BCR: variants seen among roughly 807,000 people sequenced by gnomAD.
The protein encoded by BCR is breakpoint cluster region protein.
Under a neutral mutation model 138.6 loss-of-function variants are expected in BCR, and 58 were observed. The ratio of observed to expected loss-of-function variants is 0.42; its 90% CI spans 0.34 to 0.52. The LOEUF (loss-of-function observed/expected upper bound fraction) is 0.52. Ranked by LOEUF, BCR falls within the 20% of genes least tolerant of loss-of-function variation. BCR has a pLI of 0.06. For missense variants in BCR, 1,599 were observed against 1,727.2 expected, an observed-to-expected ratio of 0.93 and a Z score of 1.32; for synonymous variants, 786 against 730.1, an observed-to-expected ratio of 1.08 and a Z score of -1.23.
chr22:23,259,501 T>C (rs1159522364), intron 2 of BCR, among the ~76,000 whole-genome samples: 1 of 151,440 alleles, frequency 6.6e-6, no homozygotes, highest in African/African-American at 2.4e-5. Context: ...ACCTTGTTTC[T>C]ATTACCAAAA....
chr22:23,264,061 C>T (rs1664327953), intron 4 of BCR: 1 of 1,117,054 alleles, frequency 9.0e-7, no homozygotes. Context: ...GGCTATGACA[C>T]CTATGTTCGC....
intron 13 of BCR, 145 bp downstream of exon 13, chr22:23,289,766 T>C (rs1452931574): frequency 1.4e-6 from 1 of 721,108 alleles, no homozygotes; most frequent in African/African-American, 1.8e-5. Flanking sequence ...TTAGGGCCTC[T>C]TGTCTCCTCC....
chr22:23,313,967 G>T lies in BCR; in HGVS notation c.3458-1G>T, dbSNP rs2074036791. ...AAGGAGTAACCCACCGCCTTCTGCA[G>T]CTCTTTCAGACCCGGTTGCAAAGGA... On this transcript the variant is annotated splice_acceptor_variant, in intron 20 of 22. Coordinates refer to ENST00000305877, the MANE Select transcript of BCR (RefSeq NM_004327.4). LOFTEE classifies it high-confidence loss of function. 6.2e-7 allele frequency: 1 copy of T among 1,613,618 alleles called. No individual in the cohort carries two copies. Among genetic ancestry groups the T allele is most frequent in the Non-Finnish European group, 8.5e-7 (1 of 1,179,834 alleles).
At chr22:23,273,195 A>G in intron 7 of BCR, 62 bp downstream of exon 7, 2 of 1,553,878 alleles carry the variant, frequency 1.3e-6, no homozygotes, top group Admixed American at 1.7e-5. Flanking sequence ...ACACAGCAAC[A>G]ATGTTCTGAG....
intron 4 of BCR, among the ~76,000 whole-genome samples, chr22:23,266,337 C>G (rs1359433239): frequency 6.6e-6 from 1 of 152,034 alleles, no homozygotes; most frequent in Non-Finnish European, 1.5e-5. Flanking sequence ...GACCCGCCCG[C>G]CTCAGCCTCC....
chr22:23,275,255 G>T (rs569311426), intron 8 of BCR, among the ~76,000 whole-genome samples: 6 of 152,368 alleles, frequency 3.9e-5, no homozygotes, highest in Middle Eastern at 3.4e-3. Context: ...TCTCCGGCTT[G>T]TCCAAGCCCT....
At chr22:23,261,282 C>A in intron 3 of BCR, 73 bp from the exon 4 acceptor site, 1 of 1,459,132 alleles carries the variant, frequency 6.9e-7, no homozygotes, top group Non-Finnish European at 9.4e-7. Flanking sequence ...CCATGACTGT[C>A]TACTGCCATA....
chr22:23,195,335 G>A (rs748295107), intron 1 of BCR, among the ~76,000 whole-genome samples: 11 of 149,204 alleles, frequency 7.4e-5, no homozygotes, highest in African/African-American at 9.9e-5. Context: ...CGGGAAAATC[G>A]CTTGAACTCA....
rs9624055 is a variant in BCR, at chr22:23,205,298, G to A, written c.1279+23059G>A. ...TTGTCACTCCTGTGGGGGTACAGAT[G>A]CCTCAGTGGAAGCCACGCTTTCCTT... On this transcript the variant is annotated intron_variant, in intron 1 of 22. Transcript: ENST00000305877. Among the ~76,000 whole-genome samples, 313 of 152,344 alleles carry A rather than the reference G, an allele frequency of 2.1e-3. 2 individuals are homozygous for A. Among genetic ancestry groups the A allele is most frequent in the African/African-American group, 7.2e-3 (299 of 41,568 alleles).
At chr22:23,304,470 T>G (rs181408145) in intron 16 of BCR, among the ~76,000 whole-genome samples, 143 of 152,354 alleles carry the variant, frequency 9.4e-4, no homozygotes, top group African/African-American at 3.2e-3. Context: ...TTTTTATTTC[T>G]GCATTTACTA....
chr22:23,225,475 T>C (rs1674250722), intron 1 of BCR, among the ~76,000 whole-genome samples: 1 of 152,198 alleles, frequency 6.6e-6, no homozygotes, highest in African/African-American at 2.4e-5. Flanking sequence ...CTCCAGGCTC[T>C]TGCACGGGGA....
intron 12 of BCR, 100 bp from the exon 13 acceptor site, chr22:23,289,417 G>A (rs778183186): frequency 6.1e-5 from 60 of 988,886 alleles, no homozygotes; most frequent in East Asian, 1.2e-4. Context: ...AGTTCTTGCC[G>A]TGCCCCTTCC....
At chr22:23,237,287 G>C (rs1350466599) in intron 1 of BCR, among the ~76,000 whole-genome samples, 2 of 152,332 alleles carry the variant, frequency 1.3e-5, no homozygotes, top group African/African-American at 4.8e-5. Context: ...TCTAGCAGCT[G>C]TGCTCATGGA....
chr22:23,238,613 G>A (rs771184557), intron 1 of BCR, among the ~76,000 whole-genome samples: 5 of 152,156 alleles, frequency 3.3e-5, no homozygotes, highest in African/African-American at 7.2e-5. Flanking sequence ...CTGGGGATTC[G>A]AGGCAGCACT....
intron 2 of BCR, among the ~76,000 whole-genome samples, chr22:23,258,141 T>C (rs1426994796): frequency 1.3e-5 from 2 of 152,152 alleles, no homozygotes; most frequent in African/African-American, 4.8e-5. Flanking sequence ...CACATGTACG[T>C]GTGTATAAAT....
intron 1 of BCR, among the ~76,000 whole-genome samples, chr22:23,206,744 G>A (rs2072619057): frequency 6.6e-6 from 1 of 152,130 alleles, no homozygotes; most frequent in Admixed American, 6.5e-5. Context: ...TGAGAAAGGG[G>A]TAGCTGTGCT....
At position 23,180,861 on chromosome 22, in the gene BCR, G is replaced by T; in HGVS notation, c.-100G>T. On this transcript the variant is annotated 5_prime_UTR_variant, in exon 1 of 23. Coordinates refer to ENST00000305877, the MANE Select transcript of BCR (RefSeq NM_004327.4). ...CGCCGCCGCCGCCGCGCGGGCCATGGGGGCCGCCCGGCGCCCGGGGCCGGG... is the reference window on the plus strand; with the variant it reads ...CGCCGCCGCCGCCGCGCGGGCCATGTGGGCCGCCCGGCGCCCGGGGCCGGG... 1 of 738,792 alleles carries T rather than the reference G, an allele frequency of 1.4e-6. No individual in the cohort carries two copies. The highest frequency in any genetic ancestry group is 6.1e-5 in the South Asian group (1 of 16,356). 45.8% of individuals were successfully genotyped at this position (738,792 alleles called of 1,614,324 possible).
At chr22:23,287,700 T>G (rs990009103) in intron 11 of BCR, among the ~76,000 whole-genome samples, 1 of 152,230 alleles carries the variant, frequency 6.6e-6, no homozygotes, top group African/African-American at 2.4e-5. Context: ...TTTTCTAGCC[T>G]GACCAGGAGA....
chr22:23,264,004 G>A, intron 4 of BCR: 1 of 893,194 alleles, frequency 1.1e-6, no homozygotes, highest in South Asian at 1.3e-5. Context: ...CCAAGGGCTG[G>A]GGTGCTGGAT....
Sources: gnomAD v4.1 joint callset for allele counts (sites outside exome capture counted in the v4.1 genomes callset) on GRCh38, gnomAD v4.1.1 for gene constraint, MANE v1.5 for transcripts, NCBI Gene and HGNC (gene_info 2026-07-23, HGNC 2026-07-21) for gene names.